The following GPCPD1 variants were observed in gnomAD, a reference collection of about 807,000 sequenced individuals.
GPCPD1 encodes the protein glycerophosphocholine phosphodiesterase GPCPD1.
Under a neutral mutation model 89.2 loss-of-function variants are expected in GPCPD1, and 29 were observed. The observed-to-expected ratio is 0.33, with a 90% CI of 0.24 to 0.44. The LOEUF is 0.44. GPCPD1 is among the 20% of genes least tolerant of loss of function. The pLI is 1.00. For synonymous variants in GPCPD1, 258 were observed against 266.3 expected (o/e 0.97, Z 0.30); for missense variants, 594 against 808.9 (o/e 0.73, Z 3.22).
chr20:5,568,436 AATG>A (rs1361460538), intron 12 of GPCPD1, among the ~76,000 whole-genome samples: 2 of 151,782 alleles, frequency 1.3e-5, no homozygotes, highest in African/African-American at 4.8e-5. Flanking sequence ...TTTTTTTTCT[AATG>A]AAGATGAATT....
chr20:5,591,928 T>C (rs1219890377), intron 4 of GPCPD1, among the ~76,000 whole-genome samples: 3 of 152,198 alleles, frequency 2.0e-5, no homozygotes, highest in African/African-American at 7.2e-5. Flanking sequence ...CTGTAAACTT[T>C]TGCAAGTATT....
intron 8 of GPCPD1, among the ~76,000 whole-genome samples, chr20:5,576,722 A>G (rs1027072113): frequency 1.1e-4 from 17 of 152,206 alleles, no homozygotes; most frequent in African/African-American, 3.6e-4. Flanking sequence ...GTTTCTACAC[A>G]AGTGTCACAT....
chr20:5,609,848 G>GAA (rs11481644), intron 1 of GPCPD1, among the ~76,000 whole-genome samples: 15,532 of 136,424 alleles, frequency 0.11, 997 homozygotes, highest in East Asian at 0.19. Context: ...TAGGAATTTT[G>GAA]AAAAAAAAAA....
chr20:5,598,176 A>C (rs1048893342), intron 3 of GPCPD1, among the ~76,000 whole-genome samples: 1 of 148,366 alleles, frequency 6.7e-6, no homozygotes, highest in Non-Finnish European at 1.5e-5. Context: ...CCTTTGTGCC[A>C]AAAAAAACCC....
rs145994076 is a variant in GPCPD1, at chr20:5,582,383, T to C, written c.349+1898A>G. The stretch of plus-strand genomic sequence containing the variant: ...AATCAAGGAAAAGATGTCAAATTCC[T>C]ATCTAAATACTGCCAGAGCATGTTC... On this transcript the variant is annotated intron_variant, in intron 6 of 19. Coordinates refer to ENST00000379019, the MANE Select transcript of GPCPD1 (RefSeq NM_019593.5). Among the ~76,000 whole-genome samples, 969 of 152,176 alleles carry C rather than the reference T, an allele frequency of 6.4e-3. 13 individuals carry two copies. Among genetic ancestry groups the C allele is most frequent in the African/African-American group, 0.022 (914 of 41,518 alleles).
At chr20:5,574,229 T>C (rs1978284957) in intron 10 of GPCPD1, 1 of 445,818 alleles carries the variant, frequency 2.2e-6, no homozygotes, top group African/African-American at 2.0e-5. Context: ...CATGGACTTT[T>C]TTCTTGGAGA....
intron 15 of GPCPD1, 28 bp from the exon 16 acceptor site, chr20:5,561,558 GT>G: frequency 7.5e-7 from 1 of 1,334,988 alleles, no homozygotes. Flanking sequence ...GGTAAATTTT[GT>G]TTTTGATGAG....
chr20:5,572,413 TAA>T (rs975240083), intron 11 of GPCPD1, among the ~76,000 whole-genome samples: 26 of 152,260 alleles, frequency 1.7e-4, no homozygotes, highest in African/African-American at 6.0e-4. Flanking sequence ...TATATACCAC[TAA>T]GAGGGGGAAA....
chr20:5,588,322 T>C (rs1005139879), intron 4 of GPCPD1, among the ~76,000 whole-genome samples: 1 of 150,846 alleles, frequency 6.6e-6, no homozygotes, highest in Non-Finnish European at 1.5e-5. Context: ...CTGGCCAACA[T>C]AGTGAAACCC....
At chr20:5,575,270 G>A (rs917450342) in intron 10 of GPCPD1, 143 bp downstream of exon 10, 1 of 595,948 alleles carries the variant, frequency 1.7e-6, no homozygotes, top group Non-Finnish European at 2.9e-6. Flanking sequence ...CTTAAGGTTG[G>A]TCTCTAACCC....
At chr20:5,598,474 G>GC (rs1979887275) in intron 3 of GPCPD1, among the ~76,000 whole-genome samples, 1 of 148,928 alleles carries the variant, frequency 6.7e-6, no homozygotes, top group African/African-American at 2.5e-5. Flanking sequence ...ATCCTGAGTT[G>GC]TAAAAATAAA....
rs769774052 is a variant in GPCPD1, at chr20:5,547,691, G to C, written c.1989C>G (p.Ala663=). ...LCGESDIHVD[A]NGIDNVENA ...CATTCTCCACGTTATCAATGCCGTT[G>C]GCATCCACATGGATATCAGACTCCC... is the stretch of plus-strand genomic sequence containing the variant. Residue 663 remains alanine (A), a synonymous_variant, in exon 20 of 20, where the codon GCC becomes GCG. Transcript: ENST00000379019. The C allele has an allele frequency of 1.9e-6, 3 of 1,606,488 alleles. No homozygotes were observed. The Admixed American group carries it at 5.0e-5, about 27-fold the overall frequency.
At chr20:5,554,677 C>T (rs1254730569) in intron 19 of GPCPD1, among the ~76,000 whole-genome samples, 3 of 152,186 alleles carry the variant, frequency 2.0e-5, no homozygotes, top group Non-Finnish European at 4.4e-5. Context: ...GAGATTGCTG[C>T]TTTCATACCT....
intron 11 of GPCPD1, among the ~76,000 whole-genome samples, chr20:5,570,454 C>T (rs1394248210): frequency 7.1e-6 from 1 of 140,952 alleles, no homozygotes; most frequent in Non-Finnish European, 1.5e-5. Flanking sequence ...AAAACGGACA[C>T]AGATTCACTT....
At chr20:5,598,862 T>C (rs1260536634) in intron 2 of GPCPD1, 41 bp from the exon 3 acceptor site, 1 of 1,224,202 alleles carries the variant, frequency 8.2e-7, no homozygotes, top group African/African-American at 1.5e-5. Flanking sequence ...AACAGAACAA[T>C]CAGTCACAGT....
At chr20:5,607,159 C>A (rs542220827) in intron 1 of GPCPD1, among the ~76,000 whole-genome samples, 2 of 152,160 alleles carry the variant, frequency 1.3e-5, no homozygotes, top group South Asian at 4.2e-4. Context: ...TGGTGGTGGG[C>A]ACCGGTAATC....
chr20:5,586,139 A>G, intron 5 of GPCPD1, 55 bp downstream of exon 5: 1 of 828,318 alleles, frequency 1.2e-6, no homozygotes, highest in East Asian at 2.5e-5. Context: ...GCCATTGTGC[A>G]GCATATTAGT....
In GPCPD1 at chr20:5,578,413, T is replaced by G; in HGVS notation, c.672A>C (p.Pro224=). ...AATCAAAGATTAGTTCCAGGTTATCTGGTTCCATCGTCTGTATGCTGTACT... is the reference window on the plus strand; with the variant it reads ...AATCAAAGATTAGTTCCAGGTTATCGGGTTCCATCGTCTGTATGCTGTACT... ...WTEYSIQTME[P]DNLELIFDFF... Residue 224 remains proline, a synonymous_variant, in exon 8 of 20, where the codon CCA becomes CCC. Transcript: ENST00000379019. 1 of 1,613,358 alleles carries G rather than the reference T, an allele frequency of 6.2e-7. No homozygotes were observed. The highest frequency in any genetic ancestry group is 1.1e-5 in the South Asian group (1 of 91,076).
chr20:5,598,791 T>C lies in GPCPD1; in HGVS notation c.80A>G (p.Asp27Gly). Residue 27 changes from aspartate (D) to glycine (G), a missense_variant, in exon 3 of 20, where the codon GAT becomes GGT. By Grantham distance (94) the Asp-to-Gly change is moderately conservative. Transcript: ENST00000379019. ...TTGAGGATTCCAGTTTCCCAAAGCATCACAGCTTCCACATATCGCAAAAAC... is the reference window on the plus strand; with the variant it reads ...TTGAGGATTCCAGTTTCCCAAAGCACCACAGCTTCCACATATCGCAAAAAC... The part of the protein sequence containing the change: ...GEVFAICGSC[D>G]ALGNWNPQNA... 2 of 1,612,930 alleles carry C rather than the reference T, an allele frequency of 1.2e-6. No individual in the cohort carries two copies. Among genetic ancestry groups the C allele is most frequent in the Non-Finnish European group, 1.7e-6 (2 of 1,178,876 alleles).
Sources: gnomAD v4.1 joint callset for allele counts (sites outside exome capture counted in the v4.1 genomes callset) on GRCh38, gnomAD v4.1.1 for gene constraint, MANE v1.5 for transcripts, NCBI Gene and HGNC (gene_info 2026-07-23, HGNC 2026-07-21) for gene names.